Variants in PDE6C observed in about 807,000 individuals in gnomAD.
PDE6C encodes phosphodiesterase 6C.
PDE6C carries 75 observed loss-of-function variants against 113.1 expected under a neutral mutation model. The ratio of observed to expected loss-of-function variants is 0.66; its 90% confidence interval spans 0.55 to 0.80. PDE6C has a LOEUF of 0.80. Ranked by LOEUF, PDE6C falls within the 30% of genes least tolerant of loss-of-function variation. The pLI is 0.00. For missense variants in PDE6C, 912 were observed against 1,038.6 expected, an observed-to-expected ratio of 0.88 and a Z score of 1.67; for synonymous variants, 375 against 363.7, an observed-to-expected ratio of 1.03 and a Z score of -0.35.
In PDE6C at chr10:93,635,953, A is replaced by G. The variant is rs888241988; in HGVS notation, c.1413+313A>G. Among the ~76,000 whole-genome samples, 45 of 152,234 alleles carry G rather than the reference A, an allele frequency of 3.0e-4. 1 individual carries two copies. The highest frequency in any genetic ancestry group is 9.6e-4 in the African/African-American group (40 of 41,460). On this transcript the variant is annotated intron_variant, in intron 10 of 21. Transcript: ENST00000371447. ...GTCAGCTATTGTCATATAATGCTGC[A>G]TAACAACAACCCTAACGCCTCAGTG...
At chr10:93,636,407 T>TGTGTG (rs2058531353) in intron 10 of PDE6C, among the ~76,000 whole-genome samples, 27 of 148,382 alleles carry the variant, frequency 1.8e-4, no homozygotes, top group African/African-American at 5.3e-4. Flanking sequence ...TGTGTGTGTG[T>TGTGTG]AGTTTTGCTG....
chr10:93,660,078 A>T (rs930582778), intron 18 of PDE6C, among the ~76,000 whole-genome samples: 7 of 152,220 alleles, frequency 4.6e-5, no homozygotes, highest in Admixed American at 4.6e-4. Context: ...GAGAGCCCAG[A>T]ATTAAATGGG....
At position 93,627,144 on chromosome 10, in the gene PDE6C, G is replaced by C. The variant is rs188625009; in HGVS notation, c.1071+273G>C. On this transcript the variant is annotated intron_variant, in intron 7 of 21. Transcript: ENST00000371447. ...GGGCGTGGTGGCACATGCCTGTAAT[G>C]CCAGCTACTTGGGAGGCTGAGGCAA... Among the ~76,000 whole-genome samples the C allele has an allele frequency of 6.2e-3, 933 of 150,438 alleles. 15 individuals are homozygous for C. Among genetic ancestry groups the C allele is most frequent in the South Asian group, 0.058 (276 of 4,730 alleles).
At chr10:93,661,001 A>G (rs2058663444) in intron 18 of PDE6C, among the ~76,000 whole-genome samples, 1 of 152,144 alleles carries the variant, frequency 6.6e-6, no homozygotes, top group South Asian at 2.1e-4. Flanking sequence ...CCAAAGAAGT[A>G]AAGTCTATTT....
intron 1 of PDE6C, among the ~76,000 whole-genome samples, chr10:93,614,283 G>T (rs911135766): frequency 1.3e-5 from 2 of 152,178 alleles, no homozygotes; most frequent in Non-Finnish European, 2.9e-5. Context: ...TAGGGGGAGG[G>T]TCACACGGAC....
At chr10:93,636,743 A>G (rs2058534039) in intron 10 of PDE6C, among the ~76,000 whole-genome samples, 2 of 152,104 alleles carry the variant, frequency 1.3e-5, no homozygotes, top group Non-Finnish European at 1.5e-5. Context: ...CATCTTTGCC[A>G]TGGAACTCAT....
chr10:93,629,723 C>T (rs915964356), intron 8 of PDE6C, among the ~76,000 whole-genome samples: 4 of 152,210 alleles, frequency 2.6e-5, no homozygotes, highest in Non-Finnish European at 5.9e-5. Flanking sequence ...AGATCTCTCA[C>T]ATGCGCAGTT....
chr10:93,645,525 T>C (rs140059604), intron 14 of PDE6C, among the ~76,000 whole-genome samples: 106 of 152,266 alleles, frequency 7.0e-4, no homozygotes, highest in Non-Finnish European at 1.3e-3. Context: ...TAATTGTTAA[T>C]AAATGGGAAG....
At chr10:93,641,667 A>G (rs1172305995) in intron 14 of PDE6C, among the ~76,000 whole-genome samples, 1 of 152,104 alleles carries the variant, frequency 6.6e-6, no homozygotes, top group Non-Finnish European at 1.5e-5. Context: ...AATAAAAAAC[A>G]AGTACATAAG....
intron 10 of PDE6C, among the ~76,000 whole-genome samples, chr10:93,636,388 GTGTGTGT>G (rs571514319): frequency 1.0e-3 from 154 of 149,874 alleles, no homozygotes; most frequent in African/African-American, 3.1e-3. Context: ...GTGTGTGTGT[GTGTGTGT>G]GTGTGTGTGT....
At position 93,640,226 on chromosome 10, in the gene PDE6C, T is replaced by C. The variant is rs1250596767; in HGVS notation, c.1629+10T>C. The C allele has an allele frequency of 3.7e-6, 6 of 1,609,448 alleles. No homozygotes were observed. In the East Asian group the frequency reaches 6.7e-5, roughly 18 times the overall value. On this transcript the variant is annotated intron_variant, in intron 12 of 21. Coordinates refer to ENST00000371447, the MANE Select transcript of PDE6C (RefSeq NM_006204.4). ...CAAAGTACCTGTAGAGGTCAGAGGG[T>C]ATTTAATTTAAAATACTGTGTGATT...
intron 21 of PDE6C, among the ~76,000 whole-genome samples, chr10:93,663,548 G>C (rs1331113038): frequency 6.6e-6 from 1 of 152,148 alleles, no homozygotes; most frequent in African/African-American, 2.4e-5. Context: ...TTATGCATTA[G>C]CTGTGAGACC....
intron 21 of PDE6C, among the ~76,000 whole-genome samples, chr10:93,664,326 A>G (rs144457548): frequency 6.6e-6 from 1 of 152,344 alleles, no homozygotes; most frequent in Non-Finnish European, 1.5e-5. Flanking sequence ...AGGAAGAGTA[A>G]GAAAATATGT....
chr10:93,636,121 T>C (rs1469081333), intron 10 of PDE6C, among the ~76,000 whole-genome samples: 1 of 152,158 alleles, frequency 6.6e-6, no homozygotes, highest in African/African-American at 2.4e-5. Flanking sequence ...AGCTACCTGA[T>C]AGATGTCCTT....
At chr10:93,616,811 G>T (rs2058422149) in intron 1 of PDE6C, among the ~76,000 whole-genome samples, 1 of 152,096 alleles carries the variant, frequency 6.6e-6, no homozygotes, top group African/African-American at 2.4e-5. Context: ...GCACCACCAT[G>T]CCCAGCTAAT....
In PDE6C at chr10:93,665,444, A is replaced by G. The variant is rs112520932; in HGVS notation, c.*26A>G. 1,904 of 1,418,110 alleles carry G rather than the reference A, an allele frequency of 1.3e-3. 23 individuals carry two copies. In the African/African-American group the frequency reaches 0.022, roughly 16 times the overall value. The allele number at this position is 1,418,110 out of a possible 1,614,324, so 87.8% of individuals were successfully genotyped here. A position where few individuals can be genotyped will look rare whatever the true frequency, so the allele number is the denominator to read the frequency against. On this transcript the variant is annotated 3_prime_UTR_variant, in exon 22 of 22. Transcript: ENST00000371447. ...TATTATCTAACTGGTCTAAACTTCA[A>G]ATATCATTTTACCTTTGAAGAAAAC...
intron 11 of PDE6C, among the ~76,000 whole-genome samples, chr10:93,637,744 A>G (rs1466169926): frequency 6.6e-6 from 1 of 152,136 alleles, no homozygotes; most frequent in Non-Finnish European, 1.5e-5. Context: ...ATTGATGTGT[A>G]TTATTTTAAG....
At chr10:93,616,432 C>T (rs1589691836) in intron 1 of PDE6C, among the ~76,000 whole-genome samples, 2 of 152,122 alleles carry the variant, frequency 1.3e-5, no homozygotes, top group South Asian at 2.1e-4. Context: ...ATGTCTGTGA[C>T]GTAGTAACTG....
At chr10:93,662,249 G>A (rs1224422179) in intron 19 of PDE6C, 116 bp downstream of exon 19, 3 of 756,396 alleles carry the variant, frequency 4.0e-6, no homozygotes, top group African/African-American at 1.7e-5. Flanking sequence ...CAGATCACGA[G>A]GTCAAAAGAT....
Sources: allele counts gnomAD v4.1 joint callset (sites outside exome capture counted in the v4.1 genomes callset), GRCh38; gene constraint gnomAD v4.1.1; transcripts MANE v1.5; gene names NCBI Gene and HGNC (gene_info 2026-07-23, HGNC 2026-07-21).